TCF7: variants seen among roughly 807,000 people sequenced by gnomAD.
TCF7 encodes T-cell-factor-7.
TCF7 carries 19 observed loss-of-function variants against 46.8 expected under a neutral mutation model. That is an observed-to-expected ratio of 0.41 (90% CI 0.28 to 0.60). The LOEUF (loss-of-function observed/expected upper bound fraction) is 0.60, where lower values mean the gene tolerates loss of function less well. Among genes scored for constraint, TCF7 ranks in the 20% least tolerant of loss-of-function variants. TCF7 has a pLI of 0.35. For missense variants in TCF7, 547 were observed against 504.6 expected, an observed-to-expected ratio of 1.08 and a Z score of -0.81; for synonymous variants, 245 against 213.4, an observed-to-expected ratio of 1.15 and a Z score of -1.29.
At chr5:134,109,391 G>C in the TCF7 span, among the ~76,000 whole-genome samples, 1 of 152,148 alleles carries the variant, frequency 6.6e-6, no homozygotes, top group Non-Finnish European at 1.5e-5. Context: ...GCCTTGGTGT[G>C]CTCCACCTTC....
chr5:134,126,596 C>A (rs1757374350), intron 3 of TCF7, among the ~76,000 whole-genome samples: 1 of 152,214 alleles, frequency 6.6e-6, no homozygotes, highest in South Asian at 2.1e-4. Flanking sequence ...GGCTTTTACT[C>A]ATATCAAGAT....
Position 134,136,052 on chromosome 5 carries a change from ACTGT to A in TCF7, c.442-2003_442-2000del, listed in dbSNP as rs762627166. Among the ~76,000 whole-genome samples, 25 of 152,230 alleles carry A rather than the reference ACTGT, an allele frequency of 1.6e-4. No individual in the cohort carries two copies. The East Asian group carries it at 2.3e-3, about 14-fold the overall frequency. On this transcript the variant is annotated intron_variant, in intron 3 of 9. Coordinates refer to ENST00000342854, the MANE Select transcript of TCF7 (RefSeq NM_003202.5). ...ATCTAGTGGAGGGATGGGGCAAGAG[ACTGT>A]CTGGCTGGGTTGAAGGGAGAATGAG... is the stretch of plus-strand genomic sequence containing the variant.
chr5:134,145,848 A>G (rs1429185581), intron 9 of TCF7: 10 of 1,610,496 alleles, frequency 6.2e-6, no homozygotes, highest in East Asian at 2.2e-5. Context: ...CAAGGAAGCC[A>G]TAGGCATTGC....
intron 3 of TCF7, among the ~76,000 whole-genome samples, chr5:134,125,202 C>A (rs1225496516): frequency 3.3e-5 from 5 of 152,232 alleles, no homozygotes; most frequent in Admixed American, 2.6e-4. Flanking sequence ...CTGACTAACT[C>A]TGACCTGGCT....
chr5:134,114,929 G>C lies in TCF7; in HGVS notation c.23G>C (p.Gly8Ala). 9.3e-7 allele frequency: 1 copy of C among 1,080,364 alleles called. No homozygotes were observed. Among genetic ancestry groups the C allele is most frequent in the South Asian group, 2.6e-5 (1 of 38,340 alleles). 66.9% of individuals were successfully genotyped at this position (1,080,364 alleles called of 1,614,324 possible). Reference protein sequence around the residue: MPQLDSGGGGAGGGDDLG... With the variant: MPQLDSGAGGAGGGDDLG... ...ACCATGCCGCAGCTGGACTCCGGCG[G>C]GGGCGGCGCGGGCGGCGGCGACGAC... Residue 8 changes from glycine to alanine, a missense_variant, in exon 1 of 10, where the codon GGG becomes GCG. By Grantham distance (60) the Gly-to-Ala change is moderately conservative. Transcript: ENST00000342854.
At chr5:134,128,550 G>C (rs1757664961) in intron 3 of TCF7, among the ~76,000 whole-genome samples, 1 of 151,514 alleles carries the variant, frequency 6.6e-6, no homozygotes. Context: ...TGTCCTCCTA[G>C]GGCTGGTGCA....
Position 134,114,938 on chromosome 5 carries a change from C to G in TCF7, c.32C>G (p.Ala11Gly), listed in dbSNP as rs1237176419. Residue 11 changes from alanine to glycine, a missense_variant, in exon 1 of 10, where the codon GCG (alanine) becomes GGG (glycine). Physicochemically the swap from Ala to Gly is moderately conservative, Grantham distance 60. This residue lies in a region of TCF7 where 425 missense variants were observed against 349.9 expected (regional missense o/e 1.21). Transcript: ENST00000342854. ...CAGCTGGACTCCGGCGGGGGCGGCG[C>G]GGGCGGCGGCGACGACCTCGGCGCG... Reference protein sequence around the residue: MPQLDSGGGGAGGGDDLGAPD... With the variant: MPQLDSGGGGGGGGDDLGAPD... The G allele has an allele frequency of 9.1e-7, 1 of 1,098,096 alleles. No homozygotes were observed. 68.0% of individuals were successfully genotyped at this position (1,098,096 alleles called of 1,614,324 possible). A position where few individuals can be genotyped will look rare whatever the true frequency, so the allele number is the denominator to read the frequency against.
chr5:134,113,067 G>A (rs941176176), upstream of TCF7, among the ~76,000 whole-genome samples: 5 of 152,200 alleles, frequency 3.3e-5, no homozygotes, highest in African/African-American at 7.2e-5. Context: ...TTGAGGTGGC[G>A]GAGGCTCTGA....
At chr5:134,142,933 A>G in intron 7 of TCF7, 50 bp downstream of exon 7, 1 of 1,611,486 alleles carries the variant, frequency 6.2e-7, no homozygotes, top group South Asian at 1.1e-5. Context: ...GACCATCTTC[A>G]GCCTGGTGCA....
Position 134,146,369 on chromosome 5 carries a change from G to C in TCF7, c.*66G>C, listed in dbSNP as rs1760711520. ...CCATCTGCTGCCCCGCTTCCCCACA[G>C]AACTGCTTACTAGCCCTGCGGAGCC... On this transcript the variant is annotated 3_prime_UTR_variant, in exon 10 of 10. Transcript: ENST00000342854. 1.3e-6 allele frequency: 2 copies of C among 1,587,272 alleles called. No homozygotes were observed. The highest frequency in any genetic ancestry group is 3.3e-5 in the Admixed American group (2 of 59,964).
upstream of TCF7, among the ~76,000 whole-genome samples, chr5:134,111,379 C>T (rs990786575): frequency 1.3e-5 from 2 of 152,168 alleles, no homozygotes; most frequent in African/African-American, 4.8e-5. Context: ...TCTGGGGCCT[C>T]CTTGCAGCTG....
At chr5:134,115,612 C>G (rs1055763952) in intron 2 of TCF7, 1 of 1,432,174 alleles carries the variant, frequency 7.0e-7, no homozygotes, top group Non-Finnish European at 9.1e-7. Context: ...CCGCCATCCC[C>G]GCCTCCCCTC....
At chr5:134,145,040 G>C (rs1383732310) in intron 9 of TCF7, 1 of 658,514 alleles carries the variant, frequency 1.5e-6, no homozygotes, top group Non-Finnish European at 2.8e-6. Flanking sequence ...AACACAGCGC[G>C]TGGAGAAGAC....
intron 3 of TCF7, chr5:134,137,824 T>G (rs994936443): frequency 7.7e-6 from 3 of 390,960 alleles, no homozygotes; most frequent in Non-Finnish European, 4.6e-6. Context: ...CCTCCAGGAA[T>G]TGAGTGCCCA....
At chr5:134,142,649 C>T (rs1760015748) in intron 6 of TCF7, 72 bp from the exon 7 acceptor site, 24 of 1,573,864 alleles carry the variant, frequency 1.5e-5, no homozygotes, top group East Asian at 2.2e-5. Flanking sequence ...TCTAGGCCCA[C>T]GCTAGAGGAG....
chr5:134,140,226 G>A (rs1012986097), intron 5 of TCF7, among the ~76,000 whole-genome samples: 4 of 152,162 alleles, frequency 2.6e-5, no homozygotes, highest in African/African-American at 4.8e-5. Flanking sequence ...CAGGGAAGTC[G>A]GCACTGCTGA....
At chr5:134,117,653 T>TTGG (rs1431675613) in intron 3 of TCF7, among the ~76,000 whole-genome samples, 1 of 152,170 alleles carries the variant, frequency 6.6e-6, no homozygotes, top group Non-Finnish European at 1.5e-5. Context: ...ATGGGACCAT[T>TTGG]TGGTGTCCTT....
At chr5:134,130,651 T>C (rs1169669900) in intron 3 of TCF7, among the ~76,000 whole-genome samples, 1 of 151,884 alleles carries the variant, frequency 6.6e-6, no homozygotes, top group African/African-American at 2.4e-5. Flanking sequence ...AGGACGGGGG[T>C]AGGAGGAGGC....
chr5:134,137,148 C>T (rs929212379), intron 3 of TCF7, among the ~76,000 whole-genome samples: 4 of 152,262 alleles, frequency 2.6e-5, no homozygotes, highest in Non-Finnish European at 4.4e-5. Flanking sequence ...CTTGGCTGGG[C>T]GCAGTTGGCT....
Sources: gnomAD v4.1 joint callset for allele counts (sites outside exome capture counted in the v4.1 genomes callset) on GRCh38, gnomAD v4.1.1 for gene constraint, gnomAD v4.1.1 regional missense constraint, MANE v1.5 for transcripts, NCBI Gene and HGNC (gene_info 2026-07-23, HGNC 2026-07-21) for gene names.